The following SDK1 variants were observed in gnomAD, a reference collection of about 807,000 sequenced individuals.
SDK1 encodes protein sidekick-1.
SDK1 carries 157 observed loss-of-function variants against 245.5 expected under a neutral mutation model. That is an observed-to-expected ratio of 0.64 (90% CI 0.56 to 0.73). SDK1 has a LOEUF of 0.73. SDK1 is among the 30% of genes least tolerant of loss of function. The pLI is 0.00. For synonymous variants in SDK1, 1,647 were observed against 1,278.5 expected, an observed-to-expected ratio of 1.29 and a Z score of -6.15; for missense variants, 3,583 against 3,002.3, an observed-to-expected ratio of 1.19 and a Z score of -4.52.
intron 1 of SDK1, among the ~76,000 whole-genome samples, chr7:3,388,465 A>T (rs1456869623): frequency 1.3e-5 from 2 of 152,014 alleles, no homozygotes; most frequent in Non-Finnish European, 2.9e-5. Context: ...CAGTGGCAAG[A>T]TCATAGCTCA....
intron 5 of SDK1, among the ~76,000 whole-genome samples, chr7:3,909,270 C>G (rs551411091): frequency 1.3e-5 from 2 of 152,282 alleles, no homozygotes; most frequent in South Asian, 4.1e-4. Context: ...CTCCAGCAGG[C>G]TCTCTCGGGT....
intron 14 of SDK1, among the ~76,000 whole-genome samples, chr7:4,006,837 C>T (rs561711360): frequency 3.9e-5 from 6 of 152,320 alleles, no homozygotes; most frequent in Middle Eastern, 3.4e-3. Flanking sequence ...GGCTGGGGTT[C>T]TGGACTTTCA....
At chr7:3,738,366 G>T (rs1027463398) in intron 4 of SDK1, among the ~76,000 whole-genome samples, 1 of 152,122 alleles carries the variant, frequency 6.6e-6, no homozygotes, top group African/African-American at 2.4e-5. Context: ...ATTTGCCAGG[G>T]TTTATTTCTG....
chr7:3,757,754 T>C (rs1279375407), intron 4 of SDK1, among the ~76,000 whole-genome samples: 1 of 152,100 alleles, frequency 6.6e-6, no homozygotes, highest in Non-Finnish European at 1.5e-5. Context: ...GAAGGTTCAT[T>C]ATAGAAGCAT....
chr7:3,498,714 T>C (rs954644739), intron 1 of SDK1, among the ~76,000 whole-genome samples: 1 of 151,464 alleles, frequency 6.6e-6, no homozygotes, highest in Admixed American at 6.6e-5. Flanking sequence ...TCTCAGAATG[T>C]TGCCTGTAGG....
Position 3,884,155 on chromosome 7 carries a change from G to A in SDK1, c.847+62572G>A, listed in dbSNP as rs570918736. Reference sequence around the variant, plus strand: ...GAGGGCAGTTGCAGAATCATAGCTCGCTGCAGCCTCGACCTCCTGGGCTCA... The same window carrying A: ...GAGGGCAGTTGCAGAATCATAGCTCACTGCAGCCTCGACCTCCTGGGCTCA... On this transcript the variant is annotated intron_variant, in intron 5 of 44. Transcript: ENST00000404826. Among the ~76,000 whole-genome samples, 7 of 150,718 alleles carry A rather than the reference G, an allele frequency of 4.6e-5. No individual in the cohort carries two copies. In the South Asian group the frequency reaches 8.4e-4, roughly 18 times the overall value.
chr7:3,812,350 G>A (rs1004753169), intron 4 of SDK1, among the ~76,000 whole-genome samples: 1 of 152,146 alleles, frequency 6.6e-6, no homozygotes, highest in African/African-American at 2.4e-5. Context: ...GGATCCTTGT[G>A]TGCAGGGAAA....
rs145276668 is a variant in SDK1 at position 3,670,441 on chromosome 7, C to G, written c.713+28336C>G. 4.1e-3 allele frequency among the ~76,000 whole-genome samples: 621 copies of G among 152,284 alleles called. 4 individuals carry two copies. Among genetic ancestry groups the G allele is most frequent in the Non-Finnish European group, 6.7e-3 (455 of 68,024 alleles). ...TTCACTTACTAGGTATGATCTTAGA[C>G]AAGTTCTTAAACAAAACAAAACTTT... On this transcript the variant is annotated intron_variant, in intron 4 of 44. Coordinates refer to ENST00000404826, the MANE Select transcript of SDK1 (RefSeq NM_152744.4).
intron 5 of SDK1, among the ~76,000 whole-genome samples, chr7:3,855,687 A>G (rs1780528783): frequency 6.6e-6 from 1 of 152,236 alleles, no homozygotes; most frequent in African/African-American, 2.4e-5. Flanking sequence ...GCAATTTTCC[A>G]TAGCTGCAGA....
chr7:4,077,301 G>T, intron 21 of SDK1, 112 bp downstream of exon 21: 1 of 1,005,506 alleles, frequency 9.9e-7, no homozygotes, highest in Non-Finnish European at 1.5e-6. Flanking sequence ...TTGAAAAGGA[G>T]TAGTGGCCTC....
At chr7:3,368,014 C>T (rs1334060258) in intron 1 of SDK1, among the ~76,000 whole-genome samples, 1 of 152,142 alleles carries the variant, frequency 6.6e-6, no homozygotes, top group African/African-American at 2.4e-5. Context: ...AAAAGTGGTG[C>T]CATCACATCA....
chr7:3,482,537 G>A (rs1228494554), intron 1 of SDK1, among the ~76,000 whole-genome samples: 1 of 152,184 alleles, frequency 6.6e-6, no homozygotes. Context: ...AAGAGAGAAG[G>A]AAACAAGCCT....
chr7:3,562,416 A>G (rs1027148270), intron 1 of SDK1, among the ~76,000 whole-genome samples: 5 of 152,210 alleles, frequency 3.3e-5, no homozygotes, highest in Non-Finnish European at 2.9e-5. Flanking sequence ...TGCATATACT[A>G]CTGAGTTCTG....
chr7:3,628,719 ACTG>A (rs1273162367), intron 2 of SDK1, among the ~76,000 whole-genome samples: 39 of 152,334 alleles, frequency 2.6e-4, no homozygotes, highest in Admixed American at 1.5e-3. Context: ...GATCTGATTT[ACTG>A]CCTCATTTGA....
At chr7:3,877,036 T>G (rs1388066676) in intron 5 of SDK1, among the ~76,000 whole-genome samples, 1 of 152,236 alleles carries the variant, frequency 6.6e-6, no homozygotes, top group African/African-American at 2.4e-5. Flanking sequence ...TCTTCATTCT[T>G]ACATTCAGAG....
intron 1 of SDK1, among the ~76,000 whole-genome samples, chr7:3,382,231 A>G (rs1056431625): frequency 2.6e-5 from 4 of 151,794 alleles, no homozygotes; most frequent in Admixed American, 6.6e-5. Flanking sequence ...TCTGCCTCCC[A>G]AAGTGCTGGG....
intron 8 of SDK1, 64 bp downstream of exon 8, chr7:3,959,078 CA>C: frequency 8.0e-7 from 1 of 1,242,604 alleles, no homozygotes; most frequent in Non-Finnish European, 1.2e-6. Flanking sequence ...AACCTTTTTC[CA>C]TAGCAGAATT....
chr7:4,092,261 C>T (rs999779363), intron 22 of SDK1, among the ~76,000 whole-genome samples: 4 of 152,204 alleles, frequency 2.6e-5, no homozygotes, highest in African/African-American at 9.6e-5. Flanking sequence ...AACCTGCCAG[C>T]CCCTGAGGCT....
At chr7:3,558,498 C>G (rs1311128795) in intron 1 of SDK1, among the ~76,000 whole-genome samples, 1 of 152,180 alleles carries the variant, frequency 6.6e-6, no homozygotes, top group Non-Finnish European at 1.5e-5. Context: ...TGGCTTGGAT[C>G]ACAGCCCTAC....
Sources: gnomAD v4.1 joint callset for allele counts (sites outside exome capture counted in the v4.1 genomes callset) on GRCh38, gnomAD v4.1.1 for gene constraint, MANE v1.5 for transcripts, NCBI Gene and HGNC (gene_info 2026-07-23, HGNC 2026-07-21) for gene names.